Variants in IPO5 observed in about 807,000 individuals in gnomAD.
IPO5 encodes importin-5.
IPO5 carries 18 observed loss-of-function variants against 143.3 expected under a neutral mutation model. The observed-to-expected ratio is 0.13, with a 90% CI of 0.09 to 0.19. IPO5 has a LOEUF of 0.19. Among genes scored for constraint, IPO5 ranks in the 10% least tolerant of loss-of-function variants. The pLI is 1.00. For synonymous variants in IPO5, 477 were observed against 465.7 expected (o/e 1.02, Z -0.31); for missense variants, 1,013 against 1,336.9 (o/e 0.76, Z 3.78).
At chr13:97,958,564 TTTTA>T (rs1884627452) in intron 2 of IPO5, among the ~76,000 whole-genome samples, 1 of 152,104 alleles carries the variant, frequency 6.6e-6, no homozygotes, top group Non-Finnish European at 1.5e-5. Context: ...TGTGTTTAGT[TTTTA>T]TTTTTCTTAT....
At chr13:97,963,639 A>T (rs1885068791) in intron 2 of IPO5, among the ~76,000 whole-genome samples, 1 of 152,102 alleles carries the variant, frequency 6.6e-6, no homozygotes, top group Non-Finnish European at 1.5e-5. Flanking sequence ...AAATGCTAGG[A>T]TTATAGGTGT....
At position 98,006,355 on chromosome 13, in the gene IPO5, A is replaced by ATTTTTTTT; in HGVS notation, c.1716+7_1716+8insTTTTTTTT. ...GGCTGTTGGGAAGGAAAAAGTAAGT[A>ATTTTTTTT]ATTTTTTTTTTTTTTTTTTTTTTTT... On this transcript the variant is annotated splice_region_variant and intron_variant, in intron 17 of 28. Transcript: ENST00000651721. 1 of 705,412 alleles carries ATTTTTTTT rather than the reference A, an allele frequency of 1.4e-6. No individual in the cohort carries two copies. The highest frequency in any genetic ancestry group is 2.2e-5 in the South Asian group (1 of 46,344). 43.7% of individuals were successfully genotyped at this position (705,412 alleles called of 1,614,324 possible). A position where few individuals can be genotyped will look rare whatever the true frequency, so the allele number is the denominator to read the frequency against.
chr13:97,963,013 T>C (rs999064919), intron 2 of IPO5: 9 of 152,014 alleles, frequency 5.9e-5, no homozygotes, highest in African/African-American at 2.2e-4. Flanking sequence ...TGTGCTGTGG[T>C]CTTGTAGCAG....
intron 26 of IPO5, 44 bp downstream of exon 26, chr13:98,018,748 C>A: frequency 7.2e-7 from 1 of 1,389,190 alleles, no homozygotes; most frequent in Non-Finnish European, 1.0e-6. Context: ...TCCAGACATC[C>A]TGTGAATCCC....
rs557253484 is a variant in IPO5, at chr13:97,956,908, T to C, written c.-113+2710T>C. Among the ~76,000 whole-genome samples, 5 of 152,306 alleles carry C rather than the reference T, an allele frequency of 3.3e-5. No individual in the cohort carries two copies. In the South Asian group the frequency reaches 1.0e-3, roughly 32 times the overall value. On this transcript the variant is annotated intron_variant, in intron 2 of 28. Coordinates refer to ENST00000651721, the MANE Select transcript of IPO5 (RefSeq NM_002271.6). ...AAGCTGTATTAAGATTTTCTAAATG[T>C]AGCTATGTTTCAAGAGAAAATGCTT...
In IPO5 at chr13:98,006,863, G is replaced by C. The variant is rs190321019; in HGVS notation, c.1716+515G>C. Among the ~76,000 whole-genome samples, 528 of 146,776 alleles carry C rather than the reference G, an allele frequency of 3.6e-3. 5 individuals are homozygous for C. Among genetic ancestry groups the C allele is most frequent in the African/African-American group, 0.012 (494 of 39,714 alleles). On this transcript the variant is annotated intron_variant, in intron 17 of 28. Transcript: ENST00000651721. ...TTTTCATTGTTTGTTTGTTTGGTTT[G>C]GTGTTTTTTTTTTTTTTTTTGAGAC...
At position 97,974,131 on chromosome 13, in the gene IPO5, T is replaced by C. The variant is rs571886927; in HGVS notation, c.-4-2562T>C. Among the ~76,000 whole-genome samples, 14 of 152,280 alleles carry C rather than the reference T, an allele frequency of 9.2e-5. No individual in the cohort carries two copies. In the South Asian group the frequency reaches 2.7e-3, roughly 29 times the overall value. On this transcript the variant is annotated intron_variant, in intron 3 of 28. Coordinates refer to ENST00000651721, the MANE Select transcript of IPO5 (RefSeq NM_002271.6). ...GCAAACTTGATTGGAATTTCTATTA[T>C]TTAGTAACTATTAAGCAAATATATG...
At chr13:98,012,399 T>C in intron 21 of IPO5, 57 bp downstream of exon 21, 1 of 1,053,374 alleles carries the variant, frequency 9.5e-7, no homozygotes, top group South Asian at 1.3e-5. Flanking sequence ...TTGTAGTTTC[T>C]TGGAGTATTA....
chr13:97,968,992 GT>G, intron 2 of IPO5, among the ~76,000 whole-genome samples: 1 of 151,662 alleles, frequency 6.6e-6, no homozygotes, highest in Non-Finnish European at 1.5e-5. Context: ...CCTAGCTAAA[GT>G]TTGTATTTTT....
chr13:98,015,232 T>C (rs1183111198), intron 22 of IPO5, among the ~76,000 whole-genome samples: 2 of 122,040 alleles, frequency 1.6e-5, no homozygotes, highest in Non-Finnish European at 3.4e-5. Context: ...TTGTGTTCCT[T>C]AGGAGCTGGT....
intron 26 of IPO5, 70 bp from the exon 27 acceptor site, chr13:98,019,511 A>G (rs1472162097): frequency 3.8e-6 from 4 of 1,061,764 alleles, no homozygotes; most frequent in Non-Finnish European, 5.7e-6. Context: ...AACCAAATAC[A>G]AAAATACATA....
intron 3 of IPO5, among the ~76,000 whole-genome samples, chr13:97,973,795 T>C (rs11841948): frequency 0.026 from 3,987 of 152,152 alleles, 155 homozygotes; most frequent in African/African-American, 0.08. Context: ...CCTAGCCGGG[T>C]GTGGTGGCGG....
At chr13:97,956,314 C>T (rs1400366384) in intron 2 of IPO5, among the ~76,000 whole-genome samples, 1 of 152,034 alleles carries the variant, frequency 6.6e-6, no homozygotes, top group Non-Finnish European at 1.5e-5. Flanking sequence ...GGTTATCCCT[C>T]AAACACAGAA....
chr13:97,959,919 C>G (rs776772348), intron 2 of IPO5, among the ~76,000 whole-genome samples: 3 of 152,136 alleles, frequency 2.0e-5, no homozygotes, highest in Non-Finnish European at 4.4e-5. Context: ...GCATGCTCAC[C>G]GTGGAATCCC....
rs748065730 is a variant in IPO5 at position 98,010,124 on chromosome 13, G to A, written c.1955G>A (p.Ser652Asn). 2.5e-6 allele frequency: 4 copies of A among 1,614,120 alleles called. No homozygotes were observed. In the South Asian group the frequency reaches 3.3e-5, roughly 13 times the overall value. ...ATAGCCCAAGACATGGAGAATATGA[G>A]TGATGATGATGGTTGGGAATTTGTG... ...LLDTQDMENM[S>N]DDDGWEFVNL... Residue 652 changes from serine (S) to asparagine (N), a missense_variant, in exon 20 of 29, where the codon AGT becomes AAT. By Grantham distance (46) the Ser-to-Asn change is conservative. Coordinates refer to ENST00000651721, the MANE Select transcript of IPO5 (RefSeq NM_002271.6).
In IPO5 at chr13:98,019,822, A is replaced by C. The variant is rs1470321379; in HGVS notation, c.3065+13A>C. 1 of 1,547,852 alleles carries C rather than the reference A, an allele frequency of 6.5e-7. No homozygotes were observed. Among genetic ancestry groups the C allele is most frequent in the Non-Finnish European group, 8.9e-7 (1 of 1,120,390 alleles). On this transcript the variant is annotated intron_variant, in intron 27 of 28. Transcript: ENST00000651721. ...ACCTGATTGAAAGGTAGGAAAGCAG[A>C]CTGTGACCTTATTTCCTTCTCCTCC...
chr13:97,962,476 G>A (rs1403321123), intron 2 of IPO5, among the ~76,000 whole-genome samples: 3 of 152,140 alleles, frequency 2.0e-5, no homozygotes, highest in Admixed American at 6.6e-5. Context: ...ACAGTGAACA[G>A]TCATGGCTCC....
At chr13:98,000,671 A>G (rs746030740) in intron 13 of IPO5, 26 bp downstream of exon 13, 2 of 1,465,804 alleles carry the variant, frequency 1.4e-6, no homozygotes, top group East Asian at 2.3e-5. Context: ...CAAATGCTAG[A>G]AGAGTGAAGT....
At position 98,003,186 on chromosome 13, in the gene IPO5, G is replaced by A. The variant is rs1016136319; in HGVS notation, c.1497+149G>A. The stretch of plus-strand genomic sequence containing the variant: ...AGGAGGCTATTCGGAGTTGTGGAAT[G>A]ATGAGTAGAGAAATTCAGATTGACC... On this transcript the variant is annotated intron_variant, in intron 16 of 28. Transcript: ENST00000651721. The A allele has an allele frequency of 1.0e-5, 7 of 672,720 alleles. No individual in the cohort carries two copies. In the Admixed American group the frequency reaches 1.4e-4, roughly 13 times the overall value. 41.7% of individuals were successfully genotyped at this position (672,720 alleles called of 1,614,324 possible).
Sources: allele counts gnomAD v4.1 joint callset (sites outside exome capture counted in the v4.1 genomes callset), GRCh38; gene constraint gnomAD v4.1.1; transcripts MANE v1.5; gene names NCBI Gene and HGNC (gene_info 2026-07-23, HGNC 2026-07-21).